CTNNA3: variants seen among roughly 807,000 people sequenced by gnomAD.
CTNNA3 encodes catenin alpha 3.
A neutral mutation model predicts 95.7 loss-of-function variants in CTNNA3; 76 were observed. That is an observed-to-expected ratio of 0.79 (90% CI 0.66 to 0.96). The LOEUF (loss-of-function observed/expected upper bound fraction) is 0.96. CTNNA3 is among the 40% of genes least tolerant of loss of function. CTNNA3 has a pLI of 0.00. For missense variants in CTNNA3, 1,191 were observed against 1,089.8 expected (o/e 1.09, Z -1.31); for synonymous variants, 431 against 374.4 (o/e 1.15, Z -1.74).
At chr10:67,677,365 G>A (rs558458760) in intron 1 of CTNNA3, among the ~76,000 whole-genome samples, 1 of 152,142 alleles carries the variant, frequency 6.6e-6, no homozygotes, top group African/African-American at 2.4e-5. Flanking sequence ...ACACACGCAC[G>A]CATGCACACA....
intron 15 of CTNNA3, among the ~76,000 whole-genome samples, chr10:66,042,287 T>TATTA (rs1269664156): frequency 6.6e-6 from 1 of 152,226 alleles, no homozygotes; most frequent in East Asian, 1.9e-4. Context: ...TTTAAAAATT[T>TATTA]ATTAATTTAT....
At chr10:67,580,276 C>T (rs1218703598) in intron 3 of CTNNA3, among the ~76,000 whole-genome samples, 1 of 152,146 alleles carries the variant, frequency 6.6e-6, no homozygotes, top group Non-Finnish European at 1.5e-5. Flanking sequence ...CTACATATGG[C>T]TAGCAAGTTT....
chr10:66,978,552 A>AAAATATAT, intron 7 of CTNNA3, among the ~76,000 whole-genome samples: 1 of 37,862 alleles, frequency 2.6e-5, no homozygotes, highest in African/African-American at 8.7e-5. Flanking sequence ...AAAAAAAAAA[A>AAAATATAT]ATATATATAT....
chr10:66,304,117 T>C (rs560774695), intron 12 of CTNNA3, among the ~76,000 whole-genome samples: 2 of 151,844 alleles, frequency 1.3e-5, no homozygotes, highest in South Asian at 4.2e-4. Context: ...AGAAGTGAAA[T>C]AAAGAGATAG....
chr10:67,689,876 T>C (rs1357952687), intron 1 of CTNNA3, among the ~76,000 whole-genome samples: 10 of 152,080 alleles, frequency 6.6e-5, no homozygotes, highest in Non-Finnish European at 1.5e-5. Flanking sequence ...ACCCCCAGAA[T>C]TCTAAGGAAA....
At chr10:66,480,396 A>G (rs12241826) in intron 11 of CTNNA3, among the ~76,000 whole-genome samples, 9,410 of 152,140 alleles carry the variant, frequency 0.062, 610 homozygotes, top group African/African-American at 0.16. Flanking sequence ...CTAATCAATC[A>G]TGTATTTCTG....
chr10:67,139,548 G>C (rs1032814260), intron 7 of CTNNA3, among the ~76,000 whole-genome samples: 3 of 151,804 alleles, frequency 2.0e-5, no homozygotes, highest in African/African-American at 7.3e-5. Flanking sequence ...GAGTAGCTGG[G>C]ATTACAGGTG....
At chr10:67,714,321 G>A (rs1490918214) in intron 1 of CTNNA3, among the ~76,000 whole-genome samples, 2 of 152,236 alleles carry the variant, frequency 1.3e-5, no homozygotes, top group African/African-American at 4.8e-5. Flanking sequence ...CCAAGACTAT[G>A]GGAACCTACC....
In CTNNA3 at chr10:66,680,172, T is replaced by G. The variant is rs538053181; in HGVS notation, c.1282-58388A>C. Among the ~76,000 whole-genome samples, 12 of 101,032 alleles carry G rather than the reference T, an allele frequency of 1.2e-4. No homozygotes were observed. The East Asian group carries it at 2.7e-3, about 23-fold the overall frequency. 66.3% of individuals were successfully genotyped at this position (101,032 alleles called of 152,430 possible). ...GCCACCATGCCCGACTAATGTTTTT[T>G]TTTGTTTGTTTTTTGTTTTTTTGTT... On this transcript the variant is annotated intron_variant, in intron 9 of 17. Transcript: ENST00000433211.
rs1188956780 is a variant in CTNNA3, at chr10:67,607,002, T to G, written c.147A>C (p.Lys49Asn). The change falls in exon 3 of 18, where the codon AAA becomes AAC. Residue 49 changes from lysine to asparagine, a missense_variant. Coordinates refer to ENST00000433211, the MANE Select transcript of CTNNA3 (RefSeq NM_013266.4). The stretch of plus-strand genomic sequence containing the variant: ...GGACACTGGCTCTTTTCGAACGTCC[T>G]TTTTTCCTGCTGGAAGGGTTCTGGG... ...NCPQNPSSRK[K>N]GRSKRASVLL... 3 of 1,613,206 alleles carry G rather than the reference T, an allele frequency of 1.9e-6. No individual in the cohort carries two copies. In the Admixed American group the frequency reaches 5.0e-5, roughly 27 times the overall value.
At chr10:66,806,971 T>C (rs1484213109) in intron 7 of CTNNA3, among the ~76,000 whole-genome samples, 1 of 151,726 alleles carries the variant, frequency 6.6e-6, no homozygotes, top group East Asian at 1.9e-4. Context: ...GGATGAGAGG[T>C]GACTGCAAAA....
intron 7 of CTNNA3, among the ~76,000 whole-genome samples, chr10:66,905,499 C>T (rs1252808822): frequency 2.6e-5 from 4 of 152,022 alleles, no homozygotes; most frequent in Non-Finnish European, 5.9e-5. Flanking sequence ...TACACATGTG[C>T]CCTAGAACTT....
intron 14 of CTNNA3, among the ~76,000 whole-genome samples, chr10:66,079,919 C>T (rs944065043): frequency 1.2e-4 from 19 of 152,014 alleles, no homozygotes; most frequent in Middle Eastern, 3.4e-3. Context: ...AATCTATTGC[C>T]TATTTACTAG....
intron 7 of CTNNA3, among the ~76,000 whole-genome samples, chr10:66,956,554 G>A (rs1338276190): frequency 6.6e-6 from 1 of 152,132 alleles, no homozygotes; most frequent in Non-Finnish European, 1.5e-5. Flanking sequence ...CAGGCAGCTA[G>A]TAAGAGTTGT....
chr10:65,930,647 T>G (rs144293605), intron 17 of CTNNA3, among the ~76,000 whole-genome samples: 2 of 152,338 alleles, frequency 1.3e-5, no homozygotes, highest in African/African-American at 4.8e-5. Context: ...ATTATAATAT[T>G]GAGTATGCTT....
At chr10:65,960,742 C>G (rs1670168) in intron 17 of CTNNA3, among the ~76,000 whole-genome samples, 45,122 of 151,958 alleles carry the variant, frequency 0.3, 7,106 homozygotes, top group Admixed American at 0.41. Flanking sequence ...TTAATGTTCA[C>G]CTCCCACTTG....
chr10:67,618,581 C>G (rs986182026), intron 2 of CTNNA3, among the ~76,000 whole-genome samples: 8 of 152,142 alleles, frequency 5.3e-5, no homozygotes, highest in African/African-American at 1.9e-4. Context: ...TCTCTTCTAA[C>G]ACAAAACTCC....
At chr10:67,654,489 C>CTT (rs35035624) in intron 1 of CTNNA3, among the ~76,000 whole-genome samples, 116 of 144,326 alleles carry the variant, frequency 8.0e-4, no homozygotes, top group Non-Finnish European at 9.6e-4. Context: ...TGTTATTCCA[C>CTT]TTTTTTTTTT....
At chr10:66,562,793 T>C (rs942860285) in intron 10 of CTNNA3, among the ~76,000 whole-genome samples, 3 of 151,934 alleles carry the variant, frequency 2.0e-5, no homozygotes, top group Non-Finnish European at 4.4e-5. Flanking sequence ...CTTTTAAGTA[T>C]ATAAATATTT....
Sources: gnomAD v4.1 joint callset for allele counts (sites outside exome capture counted in the v4.1 genomes callset) on GRCh38, gnomAD v4.1.1 for gene constraint, MANE v1.5 for transcripts, NCBI Gene and HGNC (gene_info 2026-07-23, HGNC 2026-07-21) for gene names.